AKAP10: variants seen among roughly 807,000 people sequenced by gnomAD.
AKAP10 encodes the protein A-kinase anchoring protein 10, also known as A-kinase anchor protein 10, mitochondrial.
AKAP10 carries 24 observed loss-of-function variants against 80.8 expected under a neutral mutation model. The observed-to-expected ratio is 0.30, with a 90% CI of 0.22 to 0.42. AKAP10 has a LOEUF of 0.42. Ranked by LOEUF, AKAP10 falls within the 10% of genes least tolerant of loss-of-function variation. The probability of loss-of-function intolerance (pLI) is 1.00; values close to 1 mark genes in which losing one functional copy is unlikely to be tolerated. For missense variants in AKAP10, 661 were observed against 794.9 expected, an observed-to-expected ratio of 0.83 and a Z score of 2.03; for synonymous variants, 291 against 277.7, an observed-to-expected ratio of 1.05 and a Z score of -0.48.
chr17:19,940,208 A>G (rs977788703), intron 7 of AKAP10, among the ~76,000 whole-genome samples: 2 of 152,212 alleles, frequency 1.3e-5, no homozygotes, highest in African/African-American at 4.8e-5. Flanking sequence ...CCACCATTCC[A>G]TGAGGACATA....
intron 12 of AKAP10, among the ~76,000 whole-genome samples, chr17:19,912,097 C>T (rs2042697465): frequency 1.3e-5 from 2 of 152,002 alleles, no homozygotes; most frequent in African/African-American, 2.4e-5. Flanking sequence ...TTGCCCTTCT[C>T]ATAATCTCAG....
chr17:19,975,565 C>T (rs759427712), intron 1 of AKAP10, among the ~76,000 whole-genome samples: 28 of 152,206 alleles, frequency 1.8e-4, no homozygotes, highest in Non-Finnish European at 3.2e-4. Flanking sequence ...ATGCATTTCT[C>T]CTCTTAATCT....
chr17:19,933,127 T>C (rs919262543), intron 9 of AKAP10, among the ~76,000 whole-genome samples: 3 of 152,192 alleles, frequency 2.0e-5, no homozygotes, highest in African/African-American at 7.2e-5. Context: ...CAAGTGATTC[T>C]CCTGCCTCAG....
intron 7 of AKAP10, among the ~76,000 whole-genome samples, chr17:19,940,318 G>T (rs2043038801): frequency 6.6e-6 from 1 of 152,228 alleles, no homozygotes; most frequent in Admixed American, 6.5e-5. Context: ...GCAGAATCGA[G>T]TGTCTAAATT....
At chr17:19,977,462 G>A (rs1216313135) in intron 1 of AKAP10, 130 bp downstream of exon 1, 1 of 626,462 alleles carries the variant, frequency 1.6e-6, no homozygotes, top group Non-Finnish European at 2.3e-6. Context: ...GCACTCAGGG[G>A]GCATCTGCGC....
chr17:19,928,398 T>C (rs961121609), intron 10 of AKAP10, among the ~76,000 whole-genome samples: 2 of 152,190 alleles, frequency 1.3e-5, no homozygotes, highest in Non-Finnish European at 2.9e-5. Flanking sequence ...TGACTATCAT[T>C]TTTAAAAACA....
intron 9 of AKAP10, among the ~76,000 whole-genome samples, chr17:19,932,719 T>G (rs910236797): frequency 6.6e-6 from 1 of 152,210 alleles, no homozygotes; most frequent in Non-Finnish European, 1.5e-5. Context: ...TTAATATATA[T>G]GGTCACTTTA....
intron 1 of AKAP10, among the ~76,000 whole-genome samples, chr17:19,974,877 T>A (rs112391600): frequency 1.3e-5 from 2 of 152,182 alleles, no homozygotes; most frequent in African/African-American, 4.8e-5. Flanking sequence ...CTCTCTATGC[T>A]GTACAGGTTG....
chr17:19,920,608 C>T (rs1459188088), intron 11 of AKAP10, among the ~76,000 whole-genome samples: 2 of 151,866 alleles, frequency 1.3e-5, no homozygotes, highest in African/African-American at 2.4e-5. Context: ...TTTGGGATGC[C>T]GAGGCAGGCG....
intron 3 of AKAP10, among the ~76,000 whole-genome samples, chr17:19,960,721 G>A (rs1242191621): frequency 6.6e-6 from 1 of 152,130 alleles, no homozygotes; most frequent in Non-Finnish European, 1.5e-5. Flanking sequence ...GTAATTGCAT[G>A]TTTCACGTCA....
chr17:19,959,222 A>G (rs1355684545), intron 3 of AKAP10, among the ~76,000 whole-genome samples: 1 of 152,202 alleles, frequency 6.6e-6, no homozygotes, highest in Non-Finnish European at 1.5e-5. Flanking sequence ...AAAATATTAA[A>G]AACTATACTC....
At chr17:19,971,478 C>T (rs1466665712) in intron 1 of AKAP10, among the ~76,000 whole-genome samples, 1 of 148,422 alleles carries the variant, frequency 6.7e-6, no homozygotes, top group African/African-American at 2.5e-5. Flanking sequence ...CACTGCACTC[C>T]AGCCTGGGCA....
At chr17:19,927,235 G>A (rs1408985653) in intron 10 of AKAP10, among the ~76,000 whole-genome samples, 9 of 152,156 alleles carry the variant, frequency 5.9e-5, no homozygotes, top group Admixed American at 5.9e-4. Flanking sequence ...TCAGGAGGCT[G>A]AAGTAAGAGG....
chr17:19,939,604 T>A, intron 8 of AKAP10, 109 bp downstream of exon 8: 1 of 1,290,404 alleles, frequency 7.7e-7, no homozygotes, highest in South Asian at 1.5e-5. Flanking sequence ...TTATGCTGCC[T>A]CCTGTGAGCT....
Position 19,924,420 on chromosome 17 carries a change from C to T in AKAP10, c.1739G>A (p.Arg580Gln), listed in dbSNP as rs1407556573. ...ASLDPESLYQ[R>Q]TYAGKMTFGR... ...GAGCTAAGCTTACCCGGCATATGTC[C>T]GTTGATATAAAGATTCTGGATCCAG... The change falls in exon 11 of 15, where the codon CGG (arginine) becomes CAG (glutamine). Residue 580 changes from arginine to glutamine, a missense_variant. Arg to Gln is a conservative substitution (Grantham distance 43). Coordinates refer to ENST00000225737, the MANE Select transcript of AKAP10 (RefSeq NM_007202.4). 3.1e-6 allele frequency: 5 copies of T among 1,596,954 alleles called. No individual in the cohort carries two copies. Among genetic ancestry groups the T allele is most frequent in the South Asian group, 1.1e-5 (1 of 87,994 alleles).
At position 19,939,867 on chromosome 17, in the gene AKAP10, A is replaced by G; in HGVS notation, c.1186-18T>C. The G allele has an allele frequency of 6.2e-7, 1 of 1,607,456 alleles. No individual in the cohort carries two copies. Among genetic ancestry groups the G allele is most frequent in the African/African-American group, 1.3e-5 (1 of 74,736 alleles). On this transcript the variant is annotated intron_variant, in intron 7 of 14. Transcript: ENST00000225737. ...TCCATGTACTAGGAAGAAAAAATAC[A>G]CAAGGGAAAATAAGACTATAAACAG... is the stretch of plus-strand genomic sequence containing the variant.
At chr17:19,953,622 T>C (rs2043239770) in intron 4 of AKAP10, among the ~76,000 whole-genome samples, 1 of 152,170 alleles carries the variant, frequency 6.6e-6, no homozygotes, top group South Asian at 2.1e-4. Context: ...TACAATTAAT[T>C]ACTCAAAGGC....
At chr17:19,934,199 A>C (rs1309158406) in intron 9 of AKAP10, among the ~76,000 whole-genome samples, 1 of 152,068 alleles carries the variant, frequency 6.6e-6, no homozygotes, top group Non-Finnish European at 1.5e-5. Flanking sequence ...GGGATTACAG[A>C]TGTGAGTCGC....
chr17:19,906,825 G>A (rs192079244), intron 14 of AKAP10, among the ~76,000 whole-genome samples: 2 of 152,250 alleles, frequency 1.3e-5, no homozygotes, highest in Non-Finnish European at 2.9e-5. Context: ...GTATTCCTTC[G>A]CAGGCCTAGG....
Sources: gnomAD v4.1 joint callset for allele counts (sites outside exome capture counted in the v4.1 genomes callset) on GRCh38, gnomAD v4.1.1 for gene constraint, MANE v1.5 for transcripts, NCBI Gene and HGNC (gene_info 2026-07-23, HGNC 2026-07-21) for gene names.